PBX3: variants seen among roughly 807,000 people sequenced by gnomAD.
The protein encoded by PBX3 is PBX homeobox 3, also known as pre-B-cell leukemia transcription factor 3.
PBX3 carries 14 observed loss-of-function variants against 48.5 expected under a neutral mutation model. The ratio of observed to expected loss-of-function variants is 0.29; its 90% CI spans 0.19 to 0.45. The LOEUF is 0.45. Among genes scored for constraint, PBX3 ranks in the 20% least tolerant of loss-of-function variants. The pLI is 1.00. For missense variants in PBX3, 386 were observed against 546.7 expected (o/e 0.71, Z 2.93); for synonymous variants, 210 against 200.3 (o/e 1.05, Z -0.41).
rs150064452 is a variant in PBX3, at chr9:125,857,776, G to A, written c.275-57910G>A. 1.3e-3 allele frequency among the ~76,000 whole-genome samples: 202 copies of A among 152,240 alleles called. 1 individual carries two copies. Among genetic ancestry groups the A allele is most frequent in the African/African-American group, 4.5e-3 (187 of 41,546 alleles). On this transcript the variant is annotated intron_variant, in intron 2 of 8. Coordinates refer to ENST00000373489, the MANE Select transcript of PBX3 (RefSeq NM_006195.6). ...AATAAAGCCTATTTTCAATTACTTA[G>A]GAAGAATTTTGGATCTTTCTGCATA...
chr9:125,806,659 G>T (rs545367403), intron 2 of PBX3, among the ~76,000 whole-genome samples: 2 of 152,308 alleles, frequency 1.3e-5, no homozygotes, highest in East Asian at 3.8e-4. Flanking sequence ...ATGAATTCTG[G>T]AGAGGGCACA....
intron 6 of PBX3, among the ~76,000 whole-genome samples, chr9:125,961,307 A>G (rs1465698384): frequency 1.3e-5 from 2 of 152,226 alleles, no homozygotes; most frequent in East Asian, 3.8e-4. Context: ...GCCTTTCAGC[A>G]GCACTGTCTG....
intron 2 of PBX3, among the ~76,000 whole-genome samples, chr9:125,901,980 T>G (rs907580402): frequency 6.6e-6 from 1 of 151,710 alleles, no homozygotes; most frequent in African/African-American, 2.4e-5. Flanking sequence ...TTGTGTCACC[T>G]TCTTTGTTAG....
In PBX3 at chr9:125,862,249, G is replaced by A. The variant is rs111315923; in HGVS notation, c.275-53437G>A. On this transcript the variant is annotated intron_variant, in intron 2 of 8. Transcript: ENST00000373489. ...GTCAACAAACCATTTGATGACTGTT[G>A]CCTGGTTGTGCTTGAAAACCTTCTT... Among the ~76,000 whole-genome samples the A allele has an allele frequency of 9.5e-4, 144 of 152,172 alleles. 2 individuals are homozygous for A. The highest frequency in any genetic ancestry group is 3.4e-3 in the African/African-American group (141 of 41,528).
intron 2 of PBX3, among the ~76,000 whole-genome samples, chr9:125,886,848 C>A (rs889794463): frequency 6.6e-6 from 1 of 151,990 alleles, no homozygotes; most frequent in Non-Finnish European, 1.5e-5. Flanking sequence ...GCATTTAAAT[C>A]CATGTTTGCC....
intron 5 of PBX3, among the ~76,000 whole-genome samples, chr9:125,951,747 A>G (rs1306663832): frequency 6.6e-6 from 1 of 152,166 alleles, no homozygotes; most frequent in African/African-American, 2.4e-5. Flanking sequence ...GTGTAAGGTA[A>G]CATAGGCAGG....
chr9:125,963,301 A>G (rs1313287532), intron 8 of PBX3, among the ~76,000 whole-genome samples, 200 bp downstream of exon 8: 3 of 152,186 alleles, frequency 2.0e-5, no homozygotes, highest in East Asian at 1.9e-4. Context: ...ATGCCCAGAA[A>G]TGGCTGGTGT....
At chr9:125,763,663 A>G (rs1358014162) in intron 2 of PBX3, among the ~76,000 whole-genome samples, 1 of 152,194 alleles carries the variant, frequency 6.6e-6, no homozygotes, top group African/African-American at 2.4e-5. Flanking sequence ...CTGTAACAAT[A>G]CTCGATGATG....
intron 2 of PBX3, among the ~76,000 whole-genome samples, chr9:125,903,611 TTTC>T (rs1404462311): frequency 6.6e-6 from 1 of 151,860 alleles, no homozygotes; most frequent in Non-Finnish European, 1.5e-5. Flanking sequence ...TACAATGGTA[TTTC>T]TTATTTTTAT....
At position 125,782,982 on chromosome 9, in the gene PBX3, TTC is replaced by T. The variant is rs1837362291; in HGVS notation, c.274+34361_274+34362del. Among the ~76,000 whole-genome samples the T allele has an allele frequency of 2.0e-5, 3 of 152,366 alleles. 1 individual carries two copies. In the Middle Eastern group the frequency reaches 0.01, roughly 518 times the overall value. Reference sequence around the variant, plus strand: ...CTTGCTTCTCTTGCTGTTTTCAAGATTCTGTTTCTTTCAACAGTTTGATTATA... The same window carrying T: ...CTTGCTTCTCTTGCTGTTTTCAAGATTGTTTCTTTCAACAGTTTGATTATA... On this transcript the variant is annotated intron_variant, in intron 2 of 8. Coordinates refer to ENST00000373489, the MANE Select transcript of PBX3 (RefSeq NM_006195.6).
chr9:125,926,061 T>A (rs535970850), intron 3 of PBX3, among the ~76,000 whole-genome samples: 1 of 152,366 alleles, frequency 6.6e-6, no homozygotes, highest in East Asian at 1.9e-4. Flanking sequence ...TCTACTTCAA[T>A]TATCTTTGTT....
intron 2 of PBX3, among the ~76,000 whole-genome samples, chr9:125,882,368 A>T (rs1414801790): frequency 6.6e-6 from 1 of 152,190 alleles, no homozygotes; most frequent in Non-Finnish European, 1.5e-5. Context: ...TCAAATGAAG[A>T]GTTTTATCAG....
intron 2 of PBX3, among the ~76,000 whole-genome samples, chr9:125,775,470 A>G (rs1290458423): frequency 6.6e-6 from 1 of 152,210 alleles, no homozygotes; most frequent in East Asian, 1.9e-4. Flanking sequence ...GTAGATATTC[A>G]GTTGTCCTAG....
chr9:125,896,978 G>A (rs1003116381), intron 2 of PBX3, among the ~76,000 whole-genome samples: 1 of 151,740 alleles, frequency 6.6e-6, no homozygotes, highest in African/African-American at 2.4e-5. Context: ...GAAATTACAT[G>A]TAATTTAATG....
intron 2 of PBX3, among the ~76,000 whole-genome samples, chr9:125,881,578 G>A (rs1366444737): frequency 6.6e-6 from 1 of 151,662 alleles, no homozygotes. Context: ...TGTTGATTTA[G>A]TTTCCAAATT....
At chr9:125,801,784 T>TACAC (rs755443165) in intron 2 of PBX3, among the ~76,000 whole-genome samples, 46 of 74,296 alleles carry the variant, frequency 6.2e-4, no homozygotes, top group African/African-American at 2.1e-3. Flanking sequence ...TGAACATGTA[T>TACAC]ACACATACAC....
At position 125,912,718 on chromosome 9, in the gene PBX3, A is replaced by T. The variant is rs140895437; in HGVS notation, c.275-2968A>T. Among the ~76,000 whole-genome samples the T allele has an allele frequency of 9.1e-4, 139 of 152,310 alleles. 1 individual carries two copies. In the East Asian group the frequency reaches 0.025, roughly 27 times the overall value. ...TTTATAAACCTCTGTATGTTTCATT[A>T]TACATACATTTTGGATTAAAAACAA... On this transcript the variant is annotated intron_variant, in intron 2 of 8. Transcript: ENST00000373489.
At chr9:125,888,808 CTGGAAAGT>C (rs1840565022) in intron 2 of PBX3, among the ~76,000 whole-genome samples, 1 of 151,944 alleles carries the variant, frequency 6.6e-6, no homozygotes, top group Non-Finnish European at 1.5e-5. Context: ...GTAGTCTGGA[CTGGAAAGT>C]GTAAGCAGGA....
chr9:125,955,699 T>G (rs1842290864), intron 5 of PBX3, among the ~76,000 whole-genome samples: 1 of 152,226 alleles, frequency 6.6e-6, no homozygotes, highest in Admixed American at 6.5e-5. Flanking sequence ...CTCAGAAGCC[T>G]CCTCTGATTT....
Sources: allele counts gnomAD v4.1 joint callset (sites outside exome capture counted in the v4.1 genomes callset), GRCh38; gene constraint gnomAD v4.1.1; transcripts MANE v1.5; gene names NCBI Gene and HGNC (gene_info 2026-07-23, HGNC 2026-07-21).